Variants in FRY observed in about 807,000 individuals in gnomAD.
The protein encoded by FRY is FRY microtubule binding protein.
In FRY, 128 loss-of-function variants were observed where a neutral mutation model predicts 348.4. The observed-to-expected ratio is 0.37, with a 90% CI of 0.32 to 0.43. FRY has a LOEUF of 0.43. FRY is among the 20% of genes least tolerant of loss of function. The pLI, the probability that FRY is intolerant of heterozygous loss-of-function variation, is 1.00. For synonymous variants in FRY, 1,370 were observed against 1,374.7 expected, an observed-to-expected ratio of 1.00 and a Z score of 0.08; for missense variants, 2,736 against 3,695.2, an observed-to-expected ratio of 0.74 and a Z score of 6.73.
At chr13:32,078,739 A>G in intron 1 of FRY, 95 bp from the exon 2 acceptor site, 2 of 946,526 alleles carry the variant, frequency 2.1e-6, no homozygotes, top group South Asian at 1.3e-5. Context: ...CTTTCTTGAT[A>G]TGATTCATAT....
intron 7 of FRY, among the ~76,000 whole-genome samples, chr13:32,127,270 G>GTTTATATTCATGTGAAT (rs1440377740): frequency 2.0e-5 from 3 of 152,038 alleles, no homozygotes; most frequent in African/African-American, 7.2e-5. Context: ...TAAAGCAGAA[G>GTTTATATTCATGTGAAT]TTTATATTCA....
chr13:32,172,572 A>G (rs1260636878), intron 18 of FRY, among the ~76,000 whole-genome samples: 2 of 152,162 alleles, frequency 1.3e-5, no homozygotes, highest in African/African-American at 4.8e-5. Flanking sequence ...GAGGAGAACC[A>G]GGGTGGTGGG....
chr13:32,102,601 A>G (rs2138635565), intron 3 of FRY, among the ~76,000 whole-genome samples: 1 of 152,354 alleles, frequency 6.6e-6, no homozygotes, highest in East Asian at 1.9e-4. Context: ...AAATGATTTA[A>G]GACAGAATAA....
chr13:32,192,836 C>T (rs192567897), intron 28 of FRY, among the ~76,000 whole-genome samples: 24 of 151,040 alleles, frequency 1.6e-4, no homozygotes, highest in East Asian at 5.9e-4. Flanking sequence ...CTCTGCCTCC[C>T]GGGTTCAAGT....
At position 32,209,693 on chromosome 13, in the gene FRY, C is replaced by T. The variant is rs1884572331; in HGVS notation, c.4384C>T (p.Leu1462Phe). 1 of 1,614,094 alleles carries T rather than the reference C, an allele frequency of 6.2e-7. No homozygotes were observed. The highest frequency in any genetic ancestry group is 1.1e-5 in the South Asian group (1 of 91,088). Reference protein sequence around the residue: ...LRITLQFLISLCGVSSDTVLL... With the variant: ...LRITLQFLISFCGVSSDTVLL... ...GATCACCTTGCAGTTCCTGATTAGC[C>T]TCTGTGGGGTCAGCAGCGACACAGT... The change falls in exon 33 of 61, where the codon CTC becomes TTC. Residue 1462 changes from leucine (L) to phenylalanine (F), a missense_variant. Physicochemically the swap from Leu to Phe is conservative, Grantham distance 22 (BLOSUM62 0). Coordinates refer to ENST00000542859, the MANE Select transcript of FRY (RefSeq NM_023037.3).
At chr13:32,274,343 C>T (rs1335599575) in intron 55 of FRY, among the ~76,000 whole-genome samples, 1 of 152,084 alleles carries the variant, frequency 6.6e-6, no homozygotes, top group Non-Finnish European at 1.5e-5. Flanking sequence ...CCAATTTAGC[C>T]ATTTCACAGC....
intron 51 of FRY, 40 bp from the exon 52 acceptor site, chr13:32,261,576 G>A: frequency 6.6e-7 from 1 of 1,525,090 alleles, no homozygotes; most frequent in Non-Finnish European, 9.1e-7. Context: ...GAGTGCAAGA[G>A]GATTTTGGCA....
At chr13:32,083,068 T>C (rs762598793) in intron 2 of FRY, among the ~76,000 whole-genome samples, 3 of 152,194 alleles carry the variant, frequency 2.0e-5, no homozygotes, top group Non-Finnish European at 4.4e-5. Context: ...CTGGTACTTC[T>C]ATTTGATGTA....
intron 23 of FRY, 32 bp downstream of exon 23, chr13:32,179,831 C>A: frequency 6.2e-7 from 1 of 1,600,788 alleles, no homozygotes; most frequent in South Asian, 1.1e-5. Context: ...GTTCTAAATT[C>A]ATACATGCTG....
chr13:32,095,338 T>G (rs1876618954), intron 2 of FRY, among the ~76,000 whole-genome samples: 1 of 7,346 alleles, frequency 1.4e-4, no homozygotes, highest in African/African-American at 4.1e-4. Flanking sequence ...GTATGGAAGC[T>G]TTTTTTTTTT....
chr13:32,189,316 A>G (rs1883199646), intron 28 of FRY, among the ~76,000 whole-genome samples: 1 of 152,118 alleles, frequency 6.6e-6, no homozygotes, highest in African/African-American at 2.4e-5. Context: ...AAGTTAGCAC[A>G]AGTTTATTTT....
At position 32,171,097 on chromosome 13, in the gene FRY, G is replaced by C; in HGVS notation, c.1978G>C (p.Glu660Gln). The C allele has an allele frequency of 6.2e-7, 1 of 1,612,748 alleles. No individual in the cohort carries two copies. The highest frequency in any genetic ancestry group is 8.5e-7 in the Non-Finnish European group (1 of 1,178,816). ...GLLVDFSDWR[E>Q]DVLFGFTNFL... ...ACTTGTTGACTTCTCAGATTGGAGG[G>C]AAGATGTACTATTTGGCTTTACCAA... is the stretch of plus-strand genomic sequence containing the variant. Residue 660 changes from glutamate (E) to glutamine (Q), a missense_variant, in exon 18 of 61, where the codon GAA becomes CAA. Transcript: ENST00000542859.
At chr13:32,260,401 C>CTATCT (rs3071314) in intron 51 of FRY, among the ~76,000 whole-genome samples, 117,522 of 151,666 alleles carry the variant, frequency 0.77, 47,134 homozygotes, top group Non-Finnish European at 0.9. Flanking sequence ...TCCTTTATTC[C>CTATCT]TAACAGAAAG....
At chr13:32,110,902 A>G (rs1255950662) in intron 3 of FRY, among the ~76,000 whole-genome samples, 1 of 152,254 alleles carries the variant, frequency 6.6e-6, no homozygotes, top group East Asian at 1.9e-4. Context: ...ATCAGAATTC[A>G]GATCCTTATT....
At position 32,171,289 on chromosome 13, in the gene FRY, C is replaced by T; in HGVS notation, c.2151+19C>T. The T allele has an allele frequency of 1.4e-6, 2 of 1,439,492 alleles. No homozygotes were observed. The highest frequency in any genetic ancestry group is 1.9e-6 in the Non-Finnish European group (2 of 1,036,654). 89.2% of individuals were successfully genotyped at this position (1,439,492 alleles called of 1,614,324 possible). On this transcript the variant is annotated intron_variant, in intron 18 of 60. Coordinates refer to ENST00000542859, the MANE Select transcript of FRY (RefSeq NM_023037.3). ...TTCAGAGGTGATTTTCACACCTTACCCATGAATTTATATTCTTTTTTTTTT... is the reference window on the plus strand; with the variant it reads ...TTCAGAGGTGATTTTCACACCTTACTCATGAATTTATATTCTTTTTTTTTT...
chr13:32,151,048 G>A (rs571506240), intron 14 of FRY, among the ~76,000 whole-genome samples: 1 of 152,330 alleles, frequency 6.6e-6, no homozygotes, highest in African/African-American at 2.4e-5. Context: ...GCCCAGAGCT[G>A]TACAGTGAAG....
intron 3 of FRY, among the ~76,000 whole-genome samples, chr13:32,110,881 G>A (rs1459202996): frequency 6.6e-6 from 1 of 152,198 alleles, no homozygotes; most frequent in Admixed American, 6.5e-5. Flanking sequence ...AAAGGAGCAT[G>A]TGTCAGAGCA....
In FRY at chr13:32,237,745, A is replaced by C; in HGVS notation, c.6177A>C (p.Glu2059Asp). The change falls in exon 44 of 61, where the codon GAA becomes GAC. Residue 2059 changes from glutamate (E) to aspartate (D), a missense_variant. Physicochemically the swap from Glu to Asp is conservative, Grantham distance 45 (BLOSUM62 2). Transcript: ENST00000542859. The surrounding 1 kb of genome is among the most constrained non-coding windows in gnomAD (Gnocchi z 6.3). ...TGATGGAGTCTGATTTTGAGTTTGA[A>C]TACTTAATGGCCTTAAGGCTGTTGA... The part of the protein sequence containing the change: ...VALMESDFEF[E>D]YLMALRLLSR... The C allele has an allele frequency of 6.2e-7, 1 of 1,614,132 alleles. No individual in the cohort carries two copies. The highest frequency in any genetic ancestry group is 8.5e-7 in the Non-Finnish European group (1 of 1,180,026).
intron 11 of FRY, among the ~76,000 whole-genome samples, chr13:32,145,174 A>G (rs1880324693): frequency 2.0e-5 from 3 of 152,220 alleles, no homozygotes; most frequent in African/African-American, 7.2e-5. Context: ...GCTACTGACT[A>G]GTCTTGTATG....
Sources: gnomAD v4.1 joint callset for allele counts (sites outside exome capture counted in the v4.1 genomes callset) on GRCh38, gnomAD v4.1.1 for gene constraint, Gnocchi (gnomAD v3.1) non-coding constraint, MANE v1.5 for transcripts, NCBI Gene and HGNC (gene_info 2026-07-23, HGNC 2026-07-21) for gene names.